Variants in BRPF3 observed in about 807,000 individuals in gnomAD.
The protein encoded by BRPF3 is bromodomain and PHD finger containing 3, also known as bromodomain and PHD finger-containing protein 3.
Under a neutral mutation model 102.0 loss-of-function variants are expected in BRPF3, and 18 were observed. The observed-to-expected ratio is 0.18, with a 90% confidence interval of 0.12 to 0.26. The LOEUF (loss-of-function observed/expected upper bound fraction) is 0.26, where lower values mean the gene tolerates loss of function less well. BRPF3 is among the 10% of genes least tolerant of loss of function. The pLI is 1.00. For missense variants in BRPF3, 1,147 were observed against 1,567.8 expected (o/e 0.73, Z 4.53); for synonymous variants, 570 against 614.2 (o/e 0.93, Z 1.06).
In BRPF3 at chr6:36,230,591, C is replaced by T; in HGVS notation, c.3600C>T (p.Val1200=). The T allele has an allele frequency of 1.2e-6, 2 of 1,613,502 alleles. No individual in the cohort carries two copies. The highest frequency in any genetic ancestry group is 1.7e-6 in the Non-Finnish European group (2 of 1,179,832). Residue 1200 remains valine (V), a synonymous_variant, in exon 13 of 13, where the codon GTC becomes GTT. Transcript: ENST00000357641. This position sits in a 1 kb window ranked among gnomAD's most constrained non-coding sequence, Gnocchi z 5.4. ...GAGTCCGGGGGCCCCACTCCTTCGT[C>T]ACTTCCAGCTACCTGTAAGGGCAGG... is the stretch of plus-strand genomic sequence containing the variant. The part of the protein sequence containing the change: ...LSRVRGPHSF[V]TSSYL
intron 8 of BRPF3, among the ~76,000 whole-genome samples, chr6:36,216,898 A>G (rs1457704960): frequency 6.6e-6 from 1 of 152,148 alleles, no homozygotes; most frequent in Admixed American, 6.5e-5. Context: ...TTAGCTGGGC[A>G]TAGGGCTCAT....
chr6:36,212,473 T>C (rs1448497161), intron 7 of BRPF3, among the ~76,000 whole-genome samples: 1 of 151,702 alleles, frequency 6.6e-6, no homozygotes, highest in Non-Finnish European at 1.5e-5. Context: ...TTGTGACTCC[T>C]CTGGACTCCC....
Position 36,230,709 on chromosome 6 carries a change from C to G in BRPF3, c.*100C>G. ...CAGATGTATGGCCGGCAGCTTCCCC[C>G]TCTCATGGTAGGCCAGGGACTGGGC... is the stretch of plus-strand genomic sequence containing the variant. On this transcript the variant is annotated 3_prime_UTR_variant, in exon 13 of 13. Transcript: ENST00000357641. This position sits in a 1 kb window ranked among gnomAD's most constrained non-coding sequence, Gnocchi z 5.4. The G allele has an allele frequency of 7.2e-7, 1 of 1,397,158 alleles. No homozygotes were observed. The highest frequency in any genetic ancestry group is 1.4e-5 in the African/African-American group (1 of 69,368). The allele number at this position is 1,397,158 out of a possible 1,614,324, so 86.5% of individuals were successfully genotyped here.
chr6:36,226,430 A>G (rs1403464648), intron 11 of BRPF3, among the ~76,000 whole-genome samples: 1 of 152,134 alleles, frequency 6.6e-6, no homozygotes, highest in East Asian at 1.9e-4. Flanking sequence ...CTGATACTAA[A>G]CCTTTGGGGC....
chr6:36,218,300 A>T (rs1768404625), intron 9 of BRPF3, among the ~76,000 whole-genome samples: 1 of 152,098 alleles, frequency 6.6e-6, no homozygotes, highest in African/African-American at 2.4e-5. Context: ...TGTTCAGTGA[A>T]ATTAACATTT....
chr6:36,227,553 CAG>C (rs936774276), intron 11 of BRPF3, among the ~76,000 whole-genome samples: 10 of 152,186 alleles, frequency 6.6e-5, no homozygotes, highest in Admixed American at 2.6e-4. Context: ...CTTTTGCCCT[CAG>C]GGGAAATTTT....
In BRPF3 at chr6:36,230,776, C is replaced by T; in HGVS notation, c.*167C>T. 2 of 854,520 alleles carry T rather than the reference C, an allele frequency of 2.3e-6. No individual in the cohort carries two copies. The highest frequency in any genetic ancestry group is 3.5e-6 in the Non-Finnish European group (2 of 565,164). 52.9% of individuals were successfully genotyped at this position (854,520 alleles called of 1,614,324 possible). A position where few individuals can be genotyped will look rare whatever the true frequency, so the allele number is the denominator to read the frequency against. On this transcript the variant is annotated 3_prime_UTR_variant, in exon 13 of 13. Transcript: ENST00000357641. The surrounding 1 kb of genome is among the most constrained non-coding windows in gnomAD (Gnocchi z 5.4). Reference sequence around the variant, plus strand: ...GCAAGGCCCCAGTTTTGACCAATCGCATGGTTCTCCTGGCAGGCCTGCTGT... The same window carrying T: ...GCAAGGCCCCAGTTTTGACCAATCGTATGGTTCTCCTGGCAGGCCTGCTGT...
chr6:36,209,736 A>C (rs141485133), intron 4 of BRPF3, 51 bp from the exon 5 acceptor site: 17 of 1,567,254 alleles, frequency 1.1e-5, no homozygotes, highest in Non-Finnish European at 1.4e-5. Flanking sequence ...AAGTTTCAGT[A>C]CATCTTTGCA....
Position 36,213,980 on chromosome 6 carries a change from C to T in BRPF3, c.2583C>T (p.Pro861=), listed in dbSNP as rs1488251502. The change falls in exon 8 of 13, where the codon CCC becomes CCT. Residue 861 remains proline (P), a synonymous_variant. Coordinates refer to ENST00000357641, the MANE Select transcript of BRPF3 (RefSeq NM_015695.3). ...ESPPEPPTLK[P]INDSKPPSRF... is the part of the protein sequence containing the mutation. ...CCCCGGAGCCCCCTACTCTGAAACC[C>T]ATTAATGATAGCAAACCTCCAAGCA... 4 of 1,613,944 alleles carry T rather than the reference C, an allele frequency of 2.5e-6. No homozygotes were observed. Among genetic ancestry groups the T allele is most frequent in the Middle Eastern group, 1.6e-4 (1 of 6,084 alleles).
chr6:36,222,372 G>A, intron 10 of BRPF3, 107 bp downstream of exon 10: 1 of 1,012,926 alleles, frequency 9.9e-7, no homozygotes, highest in Non-Finnish European at 1.5e-6. Context: ...CAGTCCTTGA[G>A]CTCCCCCAAA....
chr6:36,226,341 A>T (rs987890597), intron 11 of BRPF3, among the ~76,000 whole-genome samples: 1 of 152,164 alleles, frequency 6.6e-6, no homozygotes. Flanking sequence ...TAAAAATTCA[A>T]TTTTTACCAC....
In BRPF3 at chr6:36,232,083, C is replaced by T. The variant is rs972390299; in HGVS notation, c.*1474C>T. 1 of 152,636 alleles carries T rather than the reference C, an allele frequency of 6.6e-6. No homozygotes were observed. Among genetic ancestry groups the T allele is most frequent in the Non-Finnish European group, 1.5e-5 (1 of 68,038 alleles). 9.5% of individuals were successfully genotyped at this position (152,636 alleles called of 1,614,324 possible). ...TTTAAAAATACAACCAACCAACCAC[C>T]ACAACTTCTTATACATTTGGGACAT... On this transcript the variant is annotated 3_prime_UTR_variant, in exon 13 of 13. Coordinates refer to ENST00000357641, the MANE Select transcript of BRPF3 (RefSeq NM_015695.3).
chr6:36,210,126 A>C lies in BRPF3; in HGVS notation c.1867-90A>C. On this transcript the variant is annotated intron_variant, in intron 5 of 12. Coordinates refer to ENST00000357641, the MANE Select transcript of BRPF3 (RefSeq NM_015695.3). The surrounding 1 kb of genome is among the most constrained non-coding windows in gnomAD (Gnocchi z 4.7). ...TGAGTTAGCCTGGCATGGCCAAATCAGAAATTGAGGAGGCCAAGAGTATTG... is the reference window on the plus strand; with the variant it reads ...TGAGTTAGCCTGGCATGGCCAAATCCGAAATTGAGGAGGCCAAGAGTATTG... 1.3e-6 allele frequency: 2 copies of C among 1,528,958 alleles called. No homozygotes were observed. Among genetic ancestry groups the C allele is most frequent in the South Asian group, 1.1e-5 (1 of 87,340 alleles). 94.7% of individuals were successfully genotyped at this position (1,528,958 alleles called of 1,614,324 possible).
intron 11 of BRPF3, among the ~76,000 whole-genome samples, chr6:36,225,710 T>C (rs905905113): frequency 3.9e-5 from 6 of 152,350 alleles, no homozygotes; most frequent in African/African-American, 1.4e-4. Context: ...GTCCTTGAAA[T>C]ACTGAGGAAA....
chr6:36,199,076 T>C (rs901149576), intron 1 of BRPF3, among the ~76,000 whole-genome samples: 6 of 152,194 alleles, frequency 3.9e-5, no homozygotes, highest in Middle Eastern at 3.2e-3. Flanking sequence ...CCTGGAAATG[T>C]ACTAGTTGGT....
intron 11 of BRPF3, 59 bp downstream of exon 11, chr6:36,225,423 T>C: frequency 1.4e-6 from 2 of 1,459,258 alleles, no homozygotes; most frequent in South Asian, 2.3e-5. Context: ...GGGGCTAATC[T>C]GATTGGATTA....
chr6:36,222,541 C>T (rs1409958910), intron 10 of BRPF3, among the ~76,000 whole-genome samples: 1 of 152,182 alleles, frequency 6.6e-6, no homozygotes, highest in Non-Finnish European at 1.5e-5. Flanking sequence ...GCACTCCCCT[C>T]CCTGGAACAT....
chr6:36,212,411 A>G (rs1480823084), intron 7 of BRPF3, among the ~76,000 whole-genome samples: 1 of 152,100 alleles, frequency 6.6e-6, no homozygotes, highest in African/African-American at 2.4e-5. Flanking sequence ...TTGGCAGAGA[A>G]TGGAGACATA....
rs190168898 is a variant in BRPF3, at chr6:36,224,450, C to G, written c.3182-817C>G. Among the ~76,000 whole-genome samples the G allele has an allele frequency of 3.4e-4, 52 of 152,262 alleles. 1 individual carries two copies. In the East Asian group the frequency reaches 8.1e-3, roughly 24 times the overall value. ...AAGATGAAAGGATGCAGTGCCTGCT[C>G]CAGGGATACCCAGTCTCATTTCTGA... On this transcript the variant is annotated intron_variant, in intron 10 of 12. Coordinates refer to ENST00000357641, the MANE Select transcript of BRPF3 (RefSeq NM_015695.3).
Sources: allele counts gnomAD v4.1 joint callset (sites outside exome capture counted in the v4.1 genomes callset), GRCh38; gene constraint gnomAD v4.1.1; non-coding constraint Gnocchi (gnomAD v3.1); transcripts MANE v1.5; gene names NCBI Gene and HGNC (gene_info 2026-07-23, HGNC 2026-07-21).